Variants in DNAH5 observed in about 807,000 individuals in gnomAD.
DNAH5 encodes the protein axonemal beta dynein heavy chain 5.
A neutral mutation model predicts 518.2 loss-of-function variants in DNAH5; 372 were observed. The observed-to-expected ratio is 0.72, with a 90% CI of 0.66 to 0.78. The LOEUF (loss-of-function observed/expected upper bound fraction) is 0.78. Among genes scored for constraint, DNAH5 ranks in the 30% least tolerant of loss-of-function variants. The pLI is 0.00. For synonymous variants in DNAH5, 2,039 were observed against 2,025.9 expected (o/e 1.01, Z -0.17); for missense variants, 5,523 against 5,687.0 (o/e 0.97, Z 0.93).
rs748719566 is a variant in DNAH5 at position 13,690,576 on chromosome 5, G to A, written c.*1408C>T. 18 of 151,990 alleles carry A rather than the reference G, an allele frequency of 1.2e-4. No individual in the cohort carries two copies. The highest frequency in any genetic ancestry group is 2.5e-4 in the Non-Finnish European group (17 of 67,996). 9.4% of individuals were successfully genotyped at this position (151,990 alleles called of 1,614,324 possible). A position where few individuals can be genotyped will look rare whatever the true frequency, so the allele number is the denominator to read the frequency against. ...TCCACAGAATGAAGCCCAGTGAGAG[G>A]GACCCACACTTGTCTCCCGGTATCC... On this transcript the variant is annotated 3_prime_UTR_variant, in exon 79 of 79. Coordinates refer to ENST00000265104, the MANE Select transcript of DNAH5 (RefSeq NM_001369.3).
chr5:13,773,525 T>C (rs1753640253), intron 55 of DNAH5, among the ~76,000 whole-genome samples: 1 of 152,194 alleles, frequency 6.6e-6, no homozygotes, highest in African/African-American at 2.4e-5. Flanking sequence ...TATGGAAAGA[T>C]GATGAATTTC....
chr5:13,825,859 T>C (rs1447986564), intron 38 of DNAH5, among the ~76,000 whole-genome samples: 1 of 152,210 alleles, frequency 6.6e-6, no homozygotes, highest in East Asian at 1.9e-4. Context: ...TTTAATTTTA[T>C]ATGCTTTTAC....
chr5:13,891,706 G>A (rs1445799729), intron 16 of DNAH5, among the ~76,000 whole-genome samples: 5 of 151,748 alleles, frequency 3.3e-5, no homozygotes, highest in Non-Finnish European at 7.4e-5. Flanking sequence ...ATTTAACCTG[G>A]TGCCTATTCC....
chr5:13,737,121 A>C, intron 66 of DNAH5, 131 bp downstream of exon 66: 3 of 1,457,908 alleles, frequency 2.1e-6, no homozygotes, highest in Non-Finnish European at 2.9e-6. Context: ...ATTTCCCAAC[A>C]GAAATTCCAC....
intron 1 of DNAH5, among the ~76,000 whole-genome samples, chr5:13,976,798 T>C (rs1782294305): frequency 6.6e-6 from 1 of 151,470 alleles, no homozygotes. Flanking sequence ...TCAGAATACA[T>C]TCCCGGAGGA....
intron 66 of DNAH5, among the ~76,000 whole-genome samples, chr5:13,736,433 C>T (rs1042481050): frequency 1.3e-5 from 2 of 152,022 alleles, no homozygotes; most frequent in African/African-American, 4.8e-5. Flanking sequence ...TTGCTCTTGT[C>T]CCCCAGGCTG....
upstream of DNAH5, among the ~76,000 whole-genome samples, chr5:13,947,272 T>C (rs186594867): frequency 2.0e-4 from 30 of 152,320 alleles, no homozygotes; most frequent in Non-Finnish European, 3.2e-4. Flanking sequence ...TCTAAACTCA[T>C]CTCTAAATTA....
intron 5 of DNAH5, among the ~76,000 whole-genome samples, chr5:13,920,909 A>G (rs1777182431): frequency 6.6e-6 from 1 of 152,182 alleles, no homozygotes; most frequent in Admixed American, 6.5e-5. Context: ...CCATTTTGGT[A>G]ATACTTTTAT....
chr5:13,911,298 C>G, intron 12 of DNAH5, 88 bp downstream of exon 12: 1 of 1,009,520 alleles, frequency 9.9e-7, no homozygotes, highest in South Asian at 1.3e-5. Flanking sequence ...ATACCTCTGC[C>G]TTCTGATTGG....
Position 13,871,618 on chromosome 5 carries a change from C to T in DNAH5, c.3544G>A (p.Glu1182Lys), listed in dbSNP as rs868077328. 3 of 1,613,792 alleles carry T rather than the reference C, an allele frequency of 1.9e-6. No homozygotes were observed. Among genetic ancestry groups the T allele is most frequent in the African/African-American group, 1.3e-5 (1 of 75,022 alleles). Residue 1182 changes from glutamate (E) to lysine (K), a missense_variant, in exon 23 of 79, where the codon GAA becomes AAA. By Grantham distance (56) the Glu-to-Lys change is moderately conservative. Around this residue, in one of 3 missense-constraint regions of DNAH5, gnomAD observed 5,121 missense variants for 5,223.3 expected, o/e 0.98. Transcript: ENST00000265104. ...QILYFQNLEQ[E>K]INAEPEYVCV... ...ACATATTCAGGCTCAGCATTAATTT[C>T]CTGCTCTAGGTTTTGGAAATAGAGA...
chr5:13,831,030 A>C (rs767944844), intron 35 of DNAH5, among the ~76,000 whole-genome samples: 11 of 151,902 alleles, frequency 7.2e-5, no homozygotes, highest in Non-Finnish European at 1.6e-4. Context: ...TTTACTGCTG[A>C]ATTTTTCAGG....
rs149458886 is a variant in DNAH5, at chr5:13,872,252, A to C, written c.3397-487T>G. Among the ~76,000 whole-genome samples the C allele has an allele frequency of 5.4e-3, 823 of 152,280 alleles. 4 individuals carry two copies. Among genetic ancestry groups the C allele is most frequent in the Middle Eastern group, 0.01 (3 of 294 alleles). On this transcript the variant is annotated intron_variant, in intron 22 of 78. Coordinates refer to ENST00000265104, the MANE Select transcript of DNAH5 (RefSeq NM_001369.3). ...GCCTAAGGTCAGATAGGTGGAGGGA[A>C]TGGAGATTAGATCTTAGGGGCATGA...
chr5:13,919,501 CACTT>C, intron 6 of DNAH5, 149 bp from the exon 7 acceptor site: 1 of 882,280 alleles, frequency 1.1e-6, no homozygotes, highest in Non-Finnish European at 1.7e-6. Flanking sequence ...ATCTTTTACT[CACTT>C]AGCATGCATC....
At chr5:13,913,688 ATATTG>A in intron 11 of DNAH5, 50 bp downstream of exon 11, 1 of 1,595,484 alleles carries the variant, frequency 6.3e-7, no homozygotes, top group Non-Finnish European at 8.6e-7. Context: ...TTTGCATAAA[ATATTG>A]AAGTTTAGTT....
intron 72 of DNAH5, 89 bp downstream of exon 72, chr5:13,718,793 T>C (rs1744645385): frequency 9.1e-7 from 1 of 1,104,134 alleles, no homozygotes; most frequent in Admixed American, 1.9e-5. Flanking sequence ...TTGCTATAAC[T>C]GTATCCTAGC....
At chr5:13,705,616 C>A (rs79812822) in intron 76 of DNAH5, among the ~76,000 whole-genome samples, 4,400 of 152,200 alleles carry the variant, frequency 0.029, 208 homozygotes, top group African/African-American at 0.096. Flanking sequence ...AATTGTGTCC[C>A]CTCAAAACCA....
intron 32 of DNAH5, among the ~76,000 whole-genome samples, chr5:13,843,969 C>T (rs780423052): frequency 6.6e-5 from 10 of 152,172 alleles, no homozygotes; most frequent in Non-Finnish European, 1.2e-4. Flanking sequence ...GATCATGATA[C>T]ACCCTTCCTG....
chr5:13,866,285 G>T lies in DNAH5; in HGVS notation c.4054-3C>A. The T allele has an allele frequency of 6.2e-7, 1 of 1,611,720 alleles. No individual in the cohort carries two copies. The highest frequency in any genetic ancestry group is 1.1e-5 in the South Asian group (1 of 90,352). ...AAGCCGCTAGCCATTGGACCATTCT[G>T]AACAAAAAGTAAAAAAAGAAAAATA... On this transcript the variant is annotated splice_region_variant and splice_polypyrimidine_tract_variant and intron_variant, in intron 25 of 78. Transcript: ENST00000265104.
At chr5:13,713,124 T>TATACACACAC (rs1554018603) in intron 75 of DNAH5, among the ~76,000 whole-genome samples, 1 of 146,562 alleles carries the variant, frequency 6.8e-6, no homozygotes, top group African/African-American at 2.6e-5. Flanking sequence ...TATATATATA[T>TATACACACAC]ACACACACAC....
Sources: gnomAD v4.1 joint callset for allele counts (sites outside exome capture counted in the v4.1 genomes callset) on GRCh38, gnomAD v4.1.1 for gene constraint, gnomAD v4.1.1 regional missense constraint, MANE v1.5 for transcripts, NCBI Gene and HGNC (gene_info 2026-07-23, HGNC 2026-07-21) for gene names.